Variants in FCHO2 observed in about 807,000 individuals in gnomAD.
FCHO2 encodes the protein FCH and mu domain containing endocytic adaptor 2.
A neutral mutation model predicts 114.1 loss-of-function variants in FCHO2; 43 were observed. The ratio of observed to expected loss-of-function variants is 0.38; its 90% confidence interval spans 0.30 to 0.49. FCHO2 has a LOEUF of 0.49. Among genes scored for constraint, FCHO2 ranks in the 20% least tolerant of loss-of-function variants. The probability of loss-of-function intolerance (pLI) is 0.97; values close to 1 mark genes in which losing one functional copy is unlikely to be tolerated. For missense variants in FCHO2, 807 were observed against 950.4 expected, an observed-to-expected ratio of 0.85 and a Z score of 1.98; for synonymous variants, 293 against 315.2, an observed-to-expected ratio of 0.93 and a Z score of 0.75.
intron 11 of FCHO2, 37 bp downstream of exon 11, chr5:73,041,352 T>C (rs1186632415): frequency 2.2e-6 from 3 of 1,338,122 alleles, no homozygotes; most frequent in Non-Finnish European, 3.2e-6. Context: ...CAATTTAAAT[T>C]AGTTATTTTC....
At chr5:73,013,448 A>G (rs1434756941) in intron 6 of FCHO2, among the ~76,000 whole-genome samples, 1 of 152,224 alleles carries the variant, frequency 6.6e-6, no homozygotes, top group African/African-American at 2.4e-5. Flanking sequence ...TTGGAAAAAA[A>G]TAGATAACCA....
chr5:73,064,063 T>G (rs1436547188), intron 18 of FCHO2, 119 bp downstream of exon 18: 2 of 937,372 alleles, frequency 2.1e-6, no homozygotes, highest in African/African-American at 3.4e-5. Flanking sequence ...GTCCTCACAG[T>G]ATAGAAAAAT....
In FCHO2 at chr5:73,090,068, C is replaced by T. The variant is rs192032750; in HGVS notation, c.*1978C>T. On this transcript the variant is annotated 3_prime_UTR_variant, in exon 26 of 26. Transcript: ENST00000430046. ...ATTGGAATTCAGACACTGTTCTTAC[C>T]GTGTTTGTTTTTAATCAAATATTAC... The T allele has an allele frequency of 4.5e-3, 690 of 152,584 alleles. 3 individuals are homozygous for T. Among genetic ancestry groups the T allele is most frequent in the Non-Finnish European group, 6.1e-3 (416 of 67,962 alleles). 9.5% of individuals were successfully genotyped at this position (152,584 alleles called of 1,614,324 possible).
intron 10 of FCHO2, among the ~76,000 whole-genome samples, chr5:73,039,889 C>G (rs1266322616): frequency 6.7e-6 from 1 of 148,800 alleles, no homozygotes; most frequent in Admixed American, 6.8e-5. Context: ...GACGATGCCA[C>G]TGAACTCCAT....
chr5:73,073,779 G>T (rs145109528), intron 19 of FCHO2, among the ~76,000 whole-genome samples: 7 of 151,960 alleles, frequency 4.6e-5, no homozygotes, highest in African/African-American at 1.7e-4. Flanking sequence ...AATGTCTGAT[G>T]GCTGTTAATG....
At chr5:73,028,643 ATTCT>A (rs1223589920) in intron 8 of FCHO2, among the ~76,000 whole-genome samples, 1 of 137,682 alleles carries the variant, frequency 7.3e-6, no homozygotes, top group Non-Finnish European at 1.6e-5. Flanking sequence ...ATATTATATG[ATTCT>A]TTTTTTTTTT....
At chr5:72,987,715 T>C (rs1258880960) in intron 2 of FCHO2, among the ~76,000 whole-genome samples, 1 of 152,244 alleles carries the variant, frequency 6.6e-6, no homozygotes, top group Non-Finnish European at 1.5e-5. Flanking sequence ...TATACTAATA[T>C]TAACTTTTTT....
At chr5:73,022,229 A>C (rs1195314191) in intron 8 of FCHO2, among the ~76,000 whole-genome samples, 1 of 152,212 alleles carries the variant, frequency 6.6e-6, no homozygotes, top group African/African-American at 2.4e-5. Context: ...TCCCTGGGTC[A>C]CAAATGATCC....
At chr5:73,014,083 C>G (rs1476591284) in intron 6 of FCHO2, among the ~76,000 whole-genome samples, 1 of 152,074 alleles carries the variant, frequency 6.6e-6, no homozygotes, top group Non-Finnish European at 1.5e-5. Flanking sequence ...AAACAACTTT[C>G]TCATCTCTTT....
chr5:73,008,750 A>G (rs1314730751), intron 6 of FCHO2, among the ~76,000 whole-genome samples: 1 of 152,156 alleles, frequency 6.6e-6, no homozygotes, highest in East Asian at 1.9e-4. Context: ...GAGGCTGTCT[A>G]TAGTCTTTAT....
chr5:72,995,108 C>A (rs1315103733), intron 5 of FCHO2, among the ~76,000 whole-genome samples: 1 of 151,842 alleles, frequency 6.6e-6, no homozygotes. Context: ...TTCCCCTGAA[C>A]CTAAAATAAA....
At chr5:72,975,763 C>G (rs1326237693) in intron 2 of FCHO2, among the ~76,000 whole-genome samples, 1 of 152,132 alleles carries the variant, frequency 6.6e-6, no homozygotes, top group Non-Finnish European at 1.5e-5. Context: ...TCTCGGCCTC[C>G]CAGTGTGTTG....
intron 8 of FCHO2, among the ~76,000 whole-genome samples, chr5:73,030,810 C>G (rs563989940): frequency 6.6e-6 from 1 of 152,260 alleles, no homozygotes; most frequent in South Asian, 2.1e-4. Context: ...CGCCAGGAGT[C>G]TCTCATGAGG....
intron 19 of FCHO2, among the ~76,000 whole-genome samples, chr5:73,071,926 T>G (rs554630724): frequency 2.6e-5 from 4 of 152,044 alleles, no homozygotes; most frequent in African/African-American, 9.7e-5. Context: ...TTGAAAAGAA[T>G]ATTTATGCAG....
intron 8 of FCHO2, chr5:73,021,076 A>G: frequency 1.2e-6 from 1 of 867,248 alleles, no homozygotes; most frequent in South Asian, 1.3e-5. Flanking sequence ...CTCTGGAAAG[A>G]AGACATTGAT....
intron 24 of FCHO2, among the ~76,000 whole-genome samples, chr5:73,087,072 G>A (rs1743336209): frequency 1.3e-5 from 2 of 152,098 alleles, no homozygotes; most frequent in Admixed American, 6.6e-5. Context: ...TGAATAAATG[G>A]TGATGATACT....
intron 2 of FCHO2, among the ~76,000 whole-genome samples, chr5:72,975,572 A>G (rs1752820731): frequency 6.6e-6 from 1 of 151,976 alleles, no homozygotes; most frequent in Admixed American, 6.6e-5. Context: ...AGGTGCGATC[A>G]TGGCTAACTG....
chr5:73,003,632 A>G (rs1168727176), intron 5 of FCHO2, among the ~76,000 whole-genome samples: 1 of 152,222 alleles, frequency 6.6e-6, no homozygotes, highest in Non-Finnish European at 1.5e-5. Context: ...TTATTAAGCA[A>G]TAATTTAGTG....
intron 20 of FCHO2, among the ~76,000 whole-genome samples, chr5:73,077,036 A>C (rs1742936953): frequency 6.6e-6 from 1 of 152,204 alleles, no homozygotes; most frequent in Non-Finnish European, 1.5e-5. Flanking sequence ...GGAAAGCAAT[A>C]TCCTTCCAGG....
Sources: gnomAD v4.1 joint callset for allele counts (sites outside exome capture counted in the v4.1 genomes callset) on GRCh38, gnomAD v4.1.1 for gene constraint, MANE v1.5 for transcripts, NCBI Gene and HGNC (gene_info 2026-07-23, HGNC 2026-07-21) for gene names.